The following CACNA1D variants were observed in gnomAD, a reference collection of about 807,000 sequenced individuals.
The protein encoded by CACNA1D is voltage-dependent L-type calcium channel subunit alpha-1D.
Under a neutral mutation model 257.1 loss-of-function variants are expected in CACNA1D, and 55 were observed. The observed-to-expected ratio is 0.21, with a 90% CI of 0.17 to 0.27. CACNA1D has a LOEUF of 0.27. CACNA1D is among the 10% of genes least tolerant of loss of function. The pLI, the probability that CACNA1D is intolerant of heterozygous loss-of-function variation, is 1.00. For synonymous variants in CACNA1D, 980 were observed against 1,014.9 expected (o/e 0.97, Z 0.65); for missense variants, 1,876 against 2,784.0 (o/e 0.67, Z 7.34).
rs1256620850 is a variant in CACNA1D at position 53,495,090 on chromosome 3, C to A, written c.-77C>A. 1.6e-5 allele frequency: 18 copies of A among 1,096,190 alleles called. No individual in the cohort carries two copies. The African/African-American group carries it at 2.6e-4, about 16-fold the overall frequency. 67.9% of individuals were successfully genotyped at this position (1,096,190 alleles called of 1,614,324 possible). On this transcript the variant is annotated 5_prime_UTR_variant, in exon 1 of 48. Transcript: ENST00000350061. The surrounding 1 kb of genome is among the most constrained non-coding windows in gnomAD (Gnocchi z 5.1). ...CCGCGGCTCCTACCTCTTGGTGATC[C>A]CCTTCCCCATTCCGCCCCCGCCTCA...
intron 9 of CACNA1D, among the ~76,000 whole-genome samples, chr3:53,713,339 A>T (rs1009346090): frequency 1.3e-5 from 2 of 152,192 alleles, no homozygotes; most frequent in Non-Finnish European, 2.9e-5. Flanking sequence ...TTGTCACCTG[A>T]TGATAAGCAC....
chr3:53,707,895 T>C lies in CACNA1D; in HGVS notation c.1390+5085T>C, dbSNP rs112770564. ...ATTTTATTGTAGGAACTATTAATGA[T>C]TAATAATTCCTCTAAGTAAAGATAT... On this transcript the variant is annotated intron_variant, in intron 9 of 47. Transcript: ENST00000350061. Among the ~76,000 whole-genome samples the C allele has an allele frequency of 3.2e-3, 495 of 152,356 alleles. 3 individuals carry two copies. The highest frequency in any genetic ancestry group is 6.8e-3 in the Middle Eastern group (2 of 294).
At chr3:53,677,515 C>T (rs371210243) in intron 8 of CACNA1D, among the ~76,000 whole-genome samples, 1 of 152,136 alleles carries the variant, frequency 6.6e-6, no homozygotes, top group Non-Finnish European at 1.5e-5. Context: ...CGTGGATATC[C>T]CCCACTCCCC....
chr3:53,741,098 T>G (rs2095113391), intron 21 of CACNA1D, among the ~76,000 whole-genome samples: 1 of 152,194 alleles, frequency 6.6e-6, no homozygotes, highest in African/African-American at 2.4e-5. Flanking sequence ...GTTTGTGGAC[T>G]GACTGTGAAG....
chr3:53,708,130 G>A (rs2094711630), intron 9 of CACNA1D, among the ~76,000 whole-genome samples: 2 of 152,360 alleles, frequency 1.3e-5, no homozygotes, highest in South Asian at 4.1e-4. Flanking sequence ...TTACTGCAAT[G>A]TTTGCTTTGG....
chr3:53,714,496 C>T (rs974777472), intron 9 of CACNA1D, among the ~76,000 whole-genome samples: 1 of 152,210 alleles, frequency 6.6e-6, no homozygotes, highest in Non-Finnish European at 1.5e-5. Flanking sequence ...CCATTGCAGC[C>T]TGATTTTTGT....
rs764167507 is a variant in CACNA1D, at chr3:53,776,917, G to A, written c.4548G>A (p.Leu1516=). The change falls in exon 37 of 48, where the codon CTG becomes CTA. Residue 1516 remains leucine, a synonymous_variant. Transcript: ENST00000350061. ...VTLLRRIQPP[L]GFGKLCPHRV... Reference sequence around the variant, plus strand: ...TGCTTCGACGCATCCAGCCTCCCCTGGGGTTTGGGAAGTTATGTCCACACA... The same window carrying A: ...TGCTTCGACGCATCCAGCCTCCCCTAGGGTTTGGGAAGTTATGTCCACACA... The A allele has an allele frequency of 1.9e-6, 3 of 1,614,156 alleles. No individual in the cohort carries two copies. In the East Asian group the frequency reaches 6.7e-5, roughly 36 times the overall value.
At chr3:53,510,808 T>G (rs1462516601) in intron 3 of CACNA1D, among the ~76,000 whole-genome samples, 1 of 152,162 alleles carries the variant, frequency 6.6e-6, no homozygotes, top group African/African-American at 2.4e-5. Context: ...ATCTGGAGCA[T>G]CTGGTTAGAG....
chr3:53,648,159 A>G (rs1340637958), intron 3 of CACNA1D, among the ~76,000 whole-genome samples: 1 of 151,636 alleles, frequency 6.6e-6, no homozygotes, highest in African/African-American at 2.4e-5. Context: ...TAGGTATGTA[A>G]CTGCTATGAA....
At chr3:53,544,566 G>A in intron 3 of CACNA1D, among the ~76,000 whole-genome samples, 1 of 152,188 alleles carries the variant, frequency 6.6e-6, no homozygotes, top group East Asian at 1.9e-4. Flanking sequence ...TTTCCCCATT[G>A]AGTCATCAAT....
chr3:53,740,621 C>T lies in CACNA1D; in HGVS notation c.2811+282C>T, dbSNP rs544686730. The stretch of plus-strand genomic sequence containing the variant: ...AAGTTTTTTTTTTTTGTTTTTTAAA[C>T]CGAAGGATTTTTTTTTCCTGTGACC... On this transcript the variant is annotated intron_variant, in intron 21 of 47. Transcript: ENST00000350061. 146 of 409,694 alleles carry T rather than the reference C, an allele frequency of 3.6e-4. 1 individual carries two copies. The South Asian group carries it at 3.8e-3, about 11-fold the overall frequency. 25.4% of individuals were successfully genotyped at this position (409,694 alleles called of 1,614,324 possible).
At chr3:53,736,080 C>G (rs1051307293) in intron 20 of CACNA1D, among the ~76,000 whole-genome samples, 1 of 152,128 alleles carries the variant, frequency 6.6e-6, no homozygotes, top group Non-Finnish European at 1.5e-5. Flanking sequence ...CTGGCTCACA[C>G]CTGTAATTCC....
At chr3:53,652,078 C>G (rs1472958693) in intron 4 of CACNA1D, among the ~76,000 whole-genome samples, 3 of 152,134 alleles carry the variant, frequency 2.0e-5, no homozygotes, top group African/African-American at 7.2e-5. Context: ...AGAAGTGTAC[C>G]AAAATGAACA....
chr3:53,808,839 C>T, intron 46 of CACNA1D, 69 bp downstream of exon 46: 6 of 1,538,384 alleles, frequency 3.9e-6, no homozygotes, highest in Non-Finnish European at 5.3e-6. Flanking sequence ...TCAGGTCACT[C>T]CCTTCTCCTT....
intron 3 of CACNA1D, among the ~76,000 whole-genome samples, chr3:53,561,145 T>A (rs1456680209): frequency 6.6e-6 from 1 of 152,218 alleles, no homozygotes; most frequent in Non-Finnish European, 1.5e-5. Flanking sequence ...TCTCAAGTCA[T>A]GACTAAACTG....
chr3:53,608,540 A>G (rs1281903439), intron 3 of CACNA1D, among the ~76,000 whole-genome samples: 1 of 152,174 alleles, frequency 6.6e-6, no homozygotes, highest in African/African-American at 2.4e-5. Flanking sequence ...TGACAATGGA[A>G]TCCTTGTCTT....
Position 53,501,724 on chromosome 3 carries a change from A to G in CACNA1D, c.483+4A>G. ...TAATTCAACAAATCATAACTTGGTA[A>G]GTGTCCTTAGAGTTCCTGCTGGTCC... On this transcript the variant is annotated splice_donor_region_variant and intron_variant, in intron 3 of 47. Transcript: ENST00000350061. The G allele has an allele frequency of 6.8e-7, 1 of 1,468,548 alleles. No homozygotes were observed. The highest frequency in any genetic ancestry group is 9.5e-7 in the Non-Finnish European group (1 of 1,048,158). 91.0% of individuals were successfully genotyped at this position (1,468,548 alleles called of 1,614,324 possible).
intron 8 of CACNA1D, among the ~76,000 whole-genome samples, chr3:53,677,498 T>G (rs1325017334): frequency 1.3e-5 from 2 of 152,262 alleles, no homozygotes; most frequent in Non-Finnish European, 2.9e-5. Flanking sequence ...TATCCTTATC[T>G]TAAATCCGTG....
At chr3:53,757,356 G>A (rs1201498834) in intron 29 of CACNA1D, among the ~76,000 whole-genome samples, 2 of 152,078 alleles carry the variant, frequency 1.3e-5, no homozygotes, top group Non-Finnish European at 2.9e-5. Context: ...TTTTGACATT[G>A]AGGTTTCCCA....
Sources: allele counts gnomAD v4.1 joint callset (sites outside exome capture counted in the v4.1 genomes callset), GRCh38; gene constraint gnomAD v4.1.1; non-coding constraint Gnocchi (gnomAD v3.1); transcripts MANE v1.5; gene names NCBI Gene and HGNC (gene_info 2026-07-23, HGNC 2026-07-21).